DNAJC1: variants seen among roughly 807,000 people sequenced by gnomAD.
DNAJC1 encodes the protein DnaJ heat shock protein family (Hsp40) member C1, also known as dnaJ homolog subfamily C member 1.
DNAJC1 carries 58 observed loss-of-function variants against 76.6 expected under a neutral mutation model. The ratio of observed to expected loss-of-function variants is 0.76; its 90% CI spans 0.61 to 0.94. DNAJC1 has a LOEUF of 0.94. Among genes scored for constraint, DNAJC1 ranks in the 40% least tolerant of loss-of-function variants. The probability of loss-of-function intolerance (pLI) is 0.00; values close to 1 mark genes in which losing one functional copy is unlikely to be tolerated. For missense variants in DNAJC1, 689 were observed against 677.3 expected (o/e 1.02, Z -0.19); for synonymous variants, 258 against 267.9 (o/e 0.96, Z 0.36).
intron 1 of DNAJC1, among the ~76,000 whole-genome samples, chr10:21,934,350 T>C (rs1837276593): frequency 6.6e-6 from 1 of 152,158 alleles, no homozygotes; most frequent in African/African-American, 2.4e-5. Context: ...GTTTATAAAG[T>C]AGAAATGTTA....
chr10:21,843,490 T>A (rs367853170), intron 8 of DNAJC1, among the ~76,000 whole-genome samples: 3 of 150,094 alleles, frequency 2.0e-5, no homozygotes, highest in South Asian at 4.2e-4. Flanking sequence ...GCCTACTGGG[T>A]TCAAGTGATT....
At chr10:21,966,747 G>A (rs183123323) in intron 1 of DNAJC1, among the ~76,000 whole-genome samples, 45 of 148,840 alleles carry the variant, frequency 3.0e-4, no homozygotes, top group African/African-American at 1.1e-3. Flanking sequence ...GTGCAATGGC[G>A]CGATCTTGGC....
At chr10:21,956,053 A>T (rs1482011222) in intron 1 of DNAJC1, among the ~76,000 whole-genome samples, 2 of 152,220 alleles carry the variant, frequency 1.3e-5, no homozygotes, top group African/African-American at 4.8e-5. Context: ...AGACTGCGTA[A>T]TTTATAAAGA....
intron 9 of DNAJC1, among the ~76,000 whole-genome samples, chr10:21,774,866 G>A (rs558313828): frequency 6.6e-6 from 1 of 152,326 alleles, no homozygotes; most frequent in Admixed American, 6.5e-5. Context: ...ACATGGGGAT[G>A]AATTACCTTA....
intron 7 of DNAJC1, 79 bp downstream of exon 7, chr10:21,904,443 T>C: frequency 2.1e-6 from 2 of 940,662 alleles, no homozygotes; most frequent in Non-Finnish European, 3.0e-6. Flanking sequence ...ATTTAATTAC[T>C]GCTGAATTTA....
At chr10:21,842,289 G>A (rs1387465380) in intron 8 of DNAJC1, among the ~76,000 whole-genome samples, 1 of 151,876 alleles carries the variant, frequency 6.6e-6, no homozygotes, top group African/African-American at 2.4e-5. Flanking sequence ...GAAGCAAATA[G>A]GATGAACTGA....
At chr10:21,888,557 A>C (rs1223057944) in intron 7 of DNAJC1, among the ~76,000 whole-genome samples, 1 of 152,258 alleles carries the variant, frequency 6.6e-6, no homozygotes, top group Non-Finnish European at 1.5e-5. Flanking sequence ...ATGCAGCCAT[A>C]AAATGTGGTA....
intron 8 of DNAJC1, among the ~76,000 whole-genome samples, chr10:21,824,973 A>G (rs1158304719): frequency 6.6e-6 from 1 of 152,038 alleles, no homozygotes; most frequent in Admixed American, 6.6e-5. Flanking sequence ...ACGGGGTTTC[A>G]TCACCTTGGT....
intron 8 of DNAJC1, among the ~76,000 whole-genome samples, chr10:21,859,789 C>CT (rs879267257): frequency 1.1e-3 from 164 of 146,024 alleles, no homozygotes; most frequent in Admixed American, 1.1e-3. Context: ...AAAAAGTCAA[C>CT]TTTTTTTTTT....
At chr10:21,839,456 G>C (rs1590007633) in intron 8 of DNAJC1, among the ~76,000 whole-genome samples, 2 of 152,198 alleles carry the variant, frequency 1.3e-5, no homozygotes, top group East Asian at 3.8e-4. Context: ...ACTACCATCA[G>C]AGAATACTAT....
chr10:21,795,360 C>G, intron 9 of DNAJC1, among the ~76,000 whole-genome samples: 1 of 152,288 alleles, frequency 6.6e-6, no homozygotes, highest in East Asian at 1.9e-4. Flanking sequence ...CTTCAAATAC[C>G]TTTCGCCAAG....
chr10:21,849,485 T>C (rs1471604764), intron 8 of DNAJC1, among the ~76,000 whole-genome samples: 1 of 151,858 alleles, frequency 6.6e-6, no homozygotes, highest in South Asian at 2.1e-4. Flanking sequence ...AAAATGTCAT[T>C]TTTTTAAAAA....
At chr10:21,859,572 GACATAGACATAGGGGTT>G (rs1295555094) in intron 8 of DNAJC1, among the ~76,000 whole-genome samples, 413 of 151,978 alleles carry the variant, frequency 2.7e-3, no homozygotes, top group African/African-American at 8.8e-3. Context: ...AACCCCTATA[GACATAGACATAGGGGTT>G]ACATAGACAT....
At chr10:21,831,757 T>C (rs1209600363) in intron 8 of DNAJC1, among the ~76,000 whole-genome samples, 1 of 131,516 alleles carries the variant, frequency 7.6e-6, no homozygotes, top group African/African-American at 3.0e-5. Context: ...ACCACTGCAC[T>C]CCAGCCTGGG....
intron 8 of DNAJC1, among the ~76,000 whole-genome samples, chr10:21,866,150 A>G (rs1433907743): frequency 6.6e-6 from 1 of 150,984 alleles, no homozygotes; most frequent in East Asian, 1.9e-4. Context: ...AAAAAAAAAA[A>G]AAAAAGTACA....
At chr10:21,877,918 C>T (rs1466646223) in intron 8 of DNAJC1, among the ~76,000 whole-genome samples, 1 of 152,166 alleles carries the variant, frequency 6.6e-6, no homozygotes, top group Admixed American at 6.5e-5. Flanking sequence ...ATTTTGCATG[C>T]TTATGTACTG....
chr10:21,875,855 G>A (rs1313100617), intron 8 of DNAJC1, among the ~76,000 whole-genome samples: 1 of 152,126 alleles, frequency 6.6e-6, no homozygotes, highest in African/African-American at 2.4e-5. Flanking sequence ...AACCTGGGAG[G>A]CGGAGGTTGC....
chr10:21,876,564 G>T (rs117769925), intron 8 of DNAJC1, among the ~76,000 whole-genome samples: 69 of 152,236 alleles, frequency 4.5e-4, no homozygotes, highest in Non-Finnish European at 8.8e-4. Context: ...ACAACAAGCT[G>T]CATTAAACAT....
intron 8 of DNAJC1, among the ~76,000 whole-genome samples, chr10:21,869,157 T>TA (rs1836060143): frequency 7.4e-6 from 1 of 135,040 alleles, no homozygotes; most frequent in African/African-American, 2.8e-5. Context: ...TCAGGTCTGA[T>TA]AAGACAGTTG....
Sources: gnomAD v4.1 joint callset for allele counts (sites outside exome capture counted in the v4.1 genomes callset) on GRCh38, gnomAD v4.1.1 for gene constraint, MANE v1.5 for transcripts, NCBI Gene and HGNC (gene_info 2026-07-23, HGNC 2026-07-21) for gene names.